KIF14: variants seen among roughly 807,000 people sequenced by gnomAD.
The protein encoded by KIF14 is kinesin-like protein KIF14.
A neutral mutation model predicts 176.2 loss-of-function variants in KIF14; 98 were observed. That is an observed-to-expected ratio of 0.56 (90% CI 0.47 to 0.66). The LOEUF is 0.66. Ranked by LOEUF, KIF14 falls within the 30% of genes least tolerant of loss-of-function variation. The pLI is 0.00. For synonymous variants in KIF14, 566 were observed against 632.2 expected, an observed-to-expected ratio of 0.90 and a Z score of 1.57; for missense variants, 1,751 against 1,920.4, an observed-to-expected ratio of 0.91 and a Z score of 1.65.
Position 200,603,288 on chromosome 1 carries a change from T to G in KIF14, c.1917A>C (p.Ala639=), listed in dbSNP as rs139464154. 8.1e-6 allele frequency: 13 copies of G among 1,610,434 alleles called. No individual in the cohort carries two copies. In the African/African-American group the frequency reaches 1.6e-4, roughly 20 times the overall value. ...SLLTLGKVIS[A]LSEQANQRSV... is the part of the protein sequence containing the mutation. ...TCCTTTGGTTTGCTTGTTCCGAAAG[T>G]GCAGATATAACTTTTCCCAAAGTTA... The change falls in exon 10 of 30, where the codon GCA becomes GCC. Residue 639 remains alanine (A), a synonymous_variant. Transcript: ENST00000367350.
rs1487596295 is a variant in KIF14 at position 200,620,520 on chromosome 1, CG to C, written c.-226del. 6.6e-6 allele frequency: 1 copy of C among 152,366 alleles called. No homozygotes were observed. Among genetic ancestry groups the C allele is most frequent in the African/African-American group, 2.4e-5 (1 of 41,486 alleles). 9.4% of individuals were successfully genotyped at this position (152,366 alleles called of 1,614,324 possible). ...GAGACGCTGCCTTGCGCCCTTCGTTCGGGGACCCCTTCGCCGCCGACCTGGA... is the reference window on the plus strand; with the variant it reads ...GAGACGCTGCCTTGCGCCCTTCGTTCGGGACCCCTTCGCCGCCGACCTGGA... On this transcript the variant is annotated 5_prime_UTR_variant, in exon 1 of 30. Transcript: ENST00000367350.
chr1:200,592,527 C>G (rs1041703748), intron 15 of KIF14, among the ~76,000 whole-genome samples: 8 of 152,182 alleles, frequency 5.3e-5, no homozygotes, highest in Admixed American at 4.6e-4. Context: ...AGGCGTGTGC[C>G]ACCACACCCA....
chr1:200,592,909 T>C (rs1387475042), intron 15 of KIF14, among the ~76,000 whole-genome samples: 1 of 152,118 alleles, frequency 6.6e-6, no homozygotes, highest in African/African-American at 2.4e-5. Context: ...GGTAAATAAT[T>C]GTATATCTAA....
In KIF14 at chr1:200,617,710, T is replaced by C. The variant is rs1319286483; in HGVS notation, c.1014A>G (p.Glu338=). The change falls in exon 2 of 30, where the codon GAA becomes GAG. Residue 338 remains glutamate (E), a synonymous_variant. Coordinates refer to ENST00000367350, the MANE Select transcript of KIF14 (RefSeq NM_014875.3). ...CAGAGGTGTTCTGAACTACAGTTTC[T>C]TCTTCGGGAAGAATTGTATTTTCTG... The part of the protein sequence containing the change: ...RSAENTILPE[E]ETVVQNTSAG... The C allele has an allele frequency of 6.2e-7, 1 of 1,614,224 alleles. No homozygotes were observed. Among genetic ancestry groups the C allele is most frequent in the Non-Finnish European group, 8.5e-7 (1 of 1,180,034 alleles).
chr1:200,554,921 A>G (rs1269000873), intron 28 of KIF14, among the ~76,000 whole-genome samples: 2 of 152,162 alleles, frequency 1.3e-5, no homozygotes, highest in Non-Finnish European at 2.9e-5. Flanking sequence ...GCTCAACTTT[A>G]TAATAGTTCT....
At chr1:200,611,826 G>A (rs1312910377) in intron 4 of KIF14, among the ~76,000 whole-genome samples, 4 of 152,120 alleles carry the variant, frequency 2.6e-5, no homozygotes, top group Admixed American at 2.6e-4. Flanking sequence ...CTTTTGTATA[G>A]ATCAACTCAT....
At chr1:200,596,456 C>T (rs1002160978) in intron 14 of KIF14, among the ~76,000 whole-genome samples, 1 of 151,542 alleles carries the variant, frequency 6.6e-6, no homozygotes, top group African/African-American at 2.4e-5. Context: ...CTAATTCACA[C>T]CAAATAAAAA....
chr1:200,565,491 G>A lies in KIF14; in HGVS notation c.3840C>T (p.Ala1280=). The A allele has an allele frequency of 6.2e-7, 1 of 1,608,740 alleles. No homozygotes were observed. The change falls in exon 24 of 30, where the codon GCC becomes GCT. Residue 1280 remains alanine, a synonymous_variant. Transcript: ENST00000367350. The part of the protein sequence containing the change: ...SFLKIYNGLF[A]ISKAHEEQDE... ...CTTGTTCTTCATGAGCCTTGGAAAT[G>A]GCAAATAGCCCATTATAAATTTTAA...
chr1:200,575,465 C>T, intron 22 of KIF14, 126 bp downstream of exon 22: 3 of 445,868 alleles, frequency 6.7e-6, no homozygotes, highest in Non-Finnish European at 1.2e-5. Flanking sequence ...CCTGTCCAGA[C>T]ATCTATCATG....
chr1:200,606,723 C>A, intron 6 of KIF14, 23 bp downstream of exon 6: 1 of 1,599,198 alleles, frequency 6.3e-7, no homozygotes, highest in Non-Finnish European at 8.6e-7. Context: ...ATCCTCTTTG[C>A]CCTTGCTGAG....
rs1384433181 is a variant in KIF14, at chr1:200,608,830, T to C, written c.1554A>G (p.Pro518=). The C allele has an allele frequency of 6.5e-7, 1 of 1,547,794 alleles. No individual in the cohort carries two copies. The highest frequency in any genetic ancestry group is 1.7e-5 in the Admixed American group (1 of 59,640). The part of the protein sequence containing the change: ...CKDENGQRKQ[P]LRVREHPVYG... ...AAATAATAAATTGTTTTAATCTTAC[T>C]GGTTGCTTTCTCTGCCCATTTTCAT... is the stretch of plus-strand genomic sequence containing the variant. Residue 518 remains proline (P), a splice_region_variant and synonymous_variant, in exon 5 of 30, where the codon CCA becomes CCG. Transcript: ENST00000367350.
intron 23 of KIF14, among the ~76,000 whole-genome samples, chr1:200,567,071 C>T (rs1247631475): frequency 1.3e-5 from 2 of 150,804 alleles, no homozygotes; most frequent in Non-Finnish European, 1.5e-5. Context: ...CTACCTGGGA[C>T]GCTGAGGCAG....
intron 1 of KIF14, among the ~76,000 whole-genome samples, chr1:200,619,743 C>T (rs530620553): frequency 6.6e-6 from 1 of 152,226 alleles, no homozygotes; most frequent in South Asian, 2.1e-4. Flanking sequence ...GCAGTAAGTA[C>T]GATAAGTACT....
intron 22 of KIF14, among the ~76,000 whole-genome samples, chr1:200,571,231 C>T (rs1032192334): frequency 7.4e-5 from 11 of 149,348 alleles, no homozygotes; most frequent in Non-Finnish European, 1.3e-4. Flanking sequence ...AGAAGAATGG[C>T]GTAAACCTGG....
At chr1:200,565,701 T>G in intron 23 of KIF14, 32 bp from the exon 24 acceptor site, 2 of 1,390,522 alleles carry the variant, frequency 1.4e-6, no homozygotes, top group Non-Finnish European at 2.0e-6. Flanking sequence ...ATTTTAAGCT[T>G]GTTTTCAGGA....
intron 22 of KIF14, among the ~76,000 whole-genome samples, chr1:200,573,943 A>G (rs571878617): frequency 2.6e-5 from 4 of 152,338 alleles, no homozygotes; most frequent in African/African-American, 9.6e-5. Context: ...GCGATACGGC[A>G]TAGCAGTTAA....
rs1046761359 is a variant in KIF14, at chr1:200,552,312, T to C, written c.*1076A>G. On this transcript the variant is annotated 3_prime_UTR_variant, in exon 30 of 30. Coordinates refer to ENST00000367350, the MANE Select transcript of KIF14 (RefSeq NM_014875.3). ...ATGTAAGATCCCACAAGTAGAATAT[T>C]ATCTTTATTACTTGATCATAAATAA... 5 of 152,170 alleles carry C rather than the reference T, an allele frequency of 3.3e-5. No homozygotes were observed. Among genetic ancestry groups the C allele is most frequent in the Non-Finnish European group, 7.3e-5 (5 of 68,028 alleles). The allele number at this position is 152,170 out of a possible 1,614,324, so 9.4% of individuals were successfully genotyped here. A position where few individuals can be genotyped will look rare whatever the true frequency, so the allele number is the denominator to read the frequency against.
intron 9 of KIF14, 63 bp from the exon 10 acceptor site, chr1:200,603,404 A>C: frequency 1.3e-6 from 1 of 788,262 alleles, no homozygotes; most frequent in South Asian, 1.5e-5. Flanking sequence ...TTTATTTCAC[A>C]AAATATATTT....
At chr1:200,598,621 C>T (rs1271188272) in intron 13 of KIF14, among the ~76,000 whole-genome samples, 200 bp from the exon 14 acceptor site, 1 of 152,096 alleles carries the variant, frequency 6.6e-6, no homozygotes, top group African/African-American at 2.4e-5. Context: ...TGCAGTGGCA[C>T]GATCTCGGCT....
Sources: gnomAD v4.1 joint callset for allele counts (sites outside exome capture counted in the v4.1 genomes callset) on GRCh38, gnomAD v4.1.1 for gene constraint, MANE v1.5 for transcripts, NCBI Gene and HGNC (gene_info 2026-07-23, HGNC 2026-07-21) for gene names.